The following ADGRB3 variants were observed in gnomAD, a reference collection of about 807,000 sequenced individuals.
The protein encoded by ADGRB3 is adhesion G protein-coupled receptor B3.
A neutral mutation model predicts 193.4 loss-of-function variants in ADGRB3; 37 were observed. That is an observed-to-expected ratio of 0.19 (90% confidence interval 0.15 to 0.25). The LOEUF (loss-of-function observed/expected upper bound fraction) is 0.25. ADGRB3 is among the 10% of genes least tolerant of loss of function. The pLI is 1.00. For synonymous variants in ADGRB3, 690 were observed against 644.2 expected, an observed-to-expected ratio of 1.07 and a Z score of -1.08; for missense variants, 1,637 against 1,852.9, an observed-to-expected ratio of 0.88 and a Z score of 2.14.
At chr6:68,937,838 ATC>A (rs1182260395) in intron 5 of ADGRB3, among the ~76,000 whole-genome samples, 1 of 152,202 alleles carries the variant, frequency 6.6e-6, no homozygotes, top group African/African-American at 2.4e-5. Flanking sequence ...AAGTCTGAAT[ATC>A]TGTTTCACAA....
At chr6:69,093,762 C>T (rs992930735) in intron 17 of ADGRB3, among the ~76,000 whole-genome samples, 15 of 151,766 alleles carry the variant, frequency 9.9e-5, no homozygotes, top group Non-Finnish European at 1.9e-4. Flanking sequence ...AGCCTAAGTT[C>T]AGGGGGATAG....
At chr6:69,181,683 A>G (rs1035703606) in intron 17 of ADGRB3, among the ~76,000 whole-genome samples, 18 of 152,212 alleles carry the variant, frequency 1.2e-4, no homozygotes, top group African/African-American at 3.9e-4. Context: ...TGTCTTCTTA[A>G]GCTTTGCTTC....
At chr6:69,356,158 C>T (rs1459105397) in intron 28 of ADGRB3, among the ~76,000 whole-genome samples, 1 of 152,020 alleles carries the variant, frequency 6.6e-6, no homozygotes, top group Non-Finnish European at 1.5e-5. Context: ...GGTTTATATA[C>T]CATAGGGAAA....
At chr6:68,997,489 A>G (rs907183307) in intron 11 of ADGRB3, among the ~76,000 whole-genome samples, 40 of 72,924 alleles carry the variant, frequency 5.5e-4, no homozygotes, top group Non-Finnish European at 9.6e-4. Context: ...CTAAAAATAC[A>G]AAAAAAAAAA....
At chr6:69,204,320 C>G (rs763356363) in intron 17 of ADGRB3, among the ~76,000 whole-genome samples, 2 of 151,898 alleles carry the variant, frequency 1.3e-5, no homozygotes, top group African/African-American at 2.4e-5. Flanking sequence ...CTAATAAAAA[C>G]GATTATGTTG....
intron 20 of ADGRB3, among the ~76,000 whole-genome samples, chr6:69,286,393 C>G (rs1767552193): frequency 6.6e-6 from 1 of 152,154 alleles, no homozygotes; most frequent in Non-Finnish European, 1.5e-5. Flanking sequence ...CTCTTGCTTT[C>G]TACTTTCAAC....
intron 16 of ADGRB3, among the ~76,000 whole-genome samples, chr6:69,070,631 TTA>T (rs1345122811): frequency 6.6e-6 from 1 of 152,132 alleles, no homozygotes; most frequent in East Asian, 1.9e-4. Flanking sequence ...TGAAAAAAAA[TTA>T]TGGAGAGGCA....
At chr6:69,216,322 T>G (rs1765771469) in intron 17 of ADGRB3, among the ~76,000 whole-genome samples, 1 of 152,150 alleles carries the variant, frequency 6.6e-6, no homozygotes, top group South Asian at 2.1e-4. Flanking sequence ...GTGAGAAAAT[T>G]TACCTAAGAC....
intron 17 of ADGRB3, among the ~76,000 whole-genome samples, chr6:69,109,774 A>G (rs1773316508): frequency 6.6e-6 from 1 of 152,098 alleles, no homozygotes; most frequent in African/African-American, 2.4e-5. Flanking sequence ...AATATTAAAT[A>G]CTATTTGGTG....
intron 8 of ADGRB3, among the ~76,000 whole-genome samples, chr6:68,969,119 G>A (rs1269090592): frequency 6.6e-6 from 1 of 151,640 alleles, no homozygotes; most frequent in Admixed American, 6.6e-5. Context: ...AGATTAAAAA[G>A]ATAAAGTAAA....
At chr6:69,296,297 A>C (rs140996245) in intron 20 of ADGRB3, among the ~76,000 whole-genome samples, 4 of 152,142 alleles carry the variant, frequency 2.6e-5, no homozygotes, top group Non-Finnish European at 5.9e-5. Flanking sequence ...ACAGTGAAAA[A>C]CTAGCTTGCA....
intron 3 of ADGRB3, among the ~76,000 whole-genome samples, chr6:68,777,642 A>G (rs1430792335): frequency 6.7e-6 from 1 of 149,374 alleles, no homozygotes; most frequent in Non-Finnish European, 1.5e-5. Context: ...GGGATTAGGA[A>G]GCAATCAATT....
intron 17 of ADGRB3, among the ~76,000 whole-genome samples, chr6:69,189,104 A>G (rs879326050): frequency 2.6e-5 from 4 of 151,978 alleles, no homozygotes; most frequent in Non-Finnish European, 4.4e-5. Flanking sequence ...CTGGAACACT[A>G]TGTGTACTTT....
chr6:69,108,636 T>A (rs1412509288), intron 17 of ADGRB3, among the ~76,000 whole-genome samples: 1 of 152,098 alleles, frequency 6.6e-6, no homozygotes, highest in Admixed American at 6.6e-5. Context: ...AGAAGAATGA[T>A]GTGGAGATCA....
intron 20 of ADGRB3, among the ~76,000 whole-genome samples, chr6:69,276,201 A>G (rs947424941): frequency 2.0e-5 from 3 of 152,234 alleles, no homozygotes; most frequent in African/African-American, 7.2e-5. Context: ...TTTCTGTGAA[A>G]TGTCTCCATT....
intron 3 of ADGRB3, among the ~76,000 whole-genome samples, chr6:68,695,835 AT>A (rs1765148431): frequency 6.6e-6 from 1 of 151,726 alleles, no homozygotes; most frequent in Non-Finnish European, 1.5e-5. Context: ...TCTCGGTGTC[AT>A]TTTTCAGTGC....
intron 3 of ADGRB3, among the ~76,000 whole-genome samples, chr6:68,817,680 T>C (rs1247826410): frequency 1.3e-5 from 2 of 151,948 alleles, no homozygotes; most frequent in African/African-American, 4.8e-5. Flanking sequence ...ATATCTATGA[T>C]AGTACCAAGC....
chr6:69,256,612 A>G (rs13198126), intron 20 of ADGRB3, among the ~76,000 whole-genome samples: 1 of 152,160 alleles, frequency 6.6e-6, no homozygotes, highest in East Asian at 1.9e-4. Flanking sequence ...GGCTGAGACA[A>G]TGGGGTTTTC....
chr6:69,031,026 C>T lies in ADGRB3; in HGVS notation c.2107+12527C>T, dbSNP rs182743362. ...CTTTCTTTTCTTTTCTTTTTTTTTT[C>T]CTCTTCTCTTCTCTCTTCTCTTCTC... On this transcript the variant is annotated intron_variant, in intron 13 of 31. Coordinates refer to ENST00000370598, the MANE Select transcript of ADGRB3 (RefSeq NM_001704.3). Among the ~76,000 whole-genome samples the T allele has an allele frequency of 8.9e-3, 240 of 26,828 alleles. 32 individuals carry two copies. The highest frequency in any genetic ancestry group is 0.011 in the Non-Finnish European group (145 of 13,658). 17.6% of individuals were successfully genotyped at this position (26,828 alleles called of 152,430 possible). A position where few individuals can be genotyped will look rare whatever the true frequency, so the allele number is the denominator to read the frequency against.
Sources: allele counts gnomAD v4.1 joint callset (sites outside exome capture counted in the v4.1 genomes callset), GRCh38; gene constraint gnomAD v4.1.1; transcripts MANE v1.5; gene names NCBI Gene and HGNC (gene_info 2026-07-23, HGNC 2026-07-21).